PRKCA: variants seen among roughly 807,000 people sequenced by gnomAD.
PRKCA encodes the protein protein kinase C alpha type.
In PRKCA, 27 loss-of-function variants were observed where a neutral mutation model predicts 87.0. The observed-to-expected ratio is 0.31, with a 90% confidence interval of 0.23 to 0.43. The LOEUF is 0.43. PRKCA is among the 20% of genes least tolerant of loss of function. PRKCA has a pLI of 1.00. For synonymous variants in PRKCA, 329 were observed against 311.1 expected, an observed-to-expected ratio of 1.06 and a Z score of -0.61; for missense variants, 518 against 852.3, an observed-to-expected ratio of 0.61 and a Z score of 4.88.
chr17:66,593,148 G>T (rs988648580), intron 3 of PRKCA, among the ~76,000 whole-genome samples: 38 of 152,152 alleles, frequency 2.5e-4, no homozygotes, highest in African/African-American at 8.9e-4. Context: ...TGATCTTGAG[G>T]TTGCGTCAGG....
intron 5 of PRKCA, among the ~76,000 whole-genome samples, chr17:66,686,870 C>T (rs1017031203): frequency 6.6e-6 from 1 of 152,120 alleles, no homozygotes; most frequent in African/African-American, 2.4e-5. Flanking sequence ...TGCTGCCAGT[C>T]CAGGCTGGTG....
intron 14 of PRKCA, 95 bp from the exon 15 acceptor site, chr17:66,786,771 TG>T: frequency 1.1e-6 from 1 of 899,734 alleles, no homozygotes; most frequent in Non-Finnish European, 1.7e-6. Context: ...CTGAGAAACC[TG>T]GTCTGTTCCT....
chr17:66,369,928 C>T (rs1224486302), intron 2 of PRKCA, among the ~76,000 whole-genome samples: 1 of 152,236 alleles, frequency 6.6e-6, no homozygotes, highest in South Asian at 2.1e-4. Context: ...CTGTTTGGTA[C>T]TGCCAAGCAC....
intron 5 of PRKCA, among the ~76,000 whole-genome samples, chr17:66,646,755 C>T (rs1038830913): frequency 6.6e-6 from 1 of 152,160 alleles, no homozygotes; most frequent in Admixed American, 6.5e-5. Flanking sequence ...CTAACCAGGG[C>T]TGTCCCCTCA....
chr17:66,464,161 T>C (rs1299953788), intron 2 of PRKCA, among the ~76,000 whole-genome samples: 2 of 152,190 alleles, frequency 1.3e-5, no homozygotes, highest in African/African-American at 2.4e-5. Context: ...CTTCTTACAC[T>C]TAGCAATATG....
In PRKCA at chr17:66,766,469, T is replaced by C. The variant is rs115013486; in HGVS notation, c.1525-7518T>C. ...GTAGAATATAGGATAGGAAACAAAGTATAACCTCCTTTGTTCAGCCCTCAC... is the reference window on the plus strand; with the variant it reads ...GTAGAATATAGGATAGGAAACAAAGCATAACCTCCTTTGTTCAGCCCTCAC... On this transcript the variant is annotated intron_variant, in intron 13 of 16. Coordinates refer to ENST00000413366, the MANE Select transcript of PRKCA (RefSeq NM_002737.3). Among the ~76,000 whole-genome samples, 1,339 of 152,218 alleles carry C rather than the reference T, an allele frequency of 8.8e-3. 29 individuals carry two copies. The highest frequency in any genetic ancestry group is 0.031 in the African/African-American group (1,277 of 41,524).
In PRKCA at chr17:66,761,675, C is replaced by T. The variant is rs994388940; in HGVS notation, c.1525-12312C>T. 4.3e-4 allele frequency among the ~76,000 whole-genome samples: 66 copies of T among 152,048 alleles called. 1 individual carries two copies. The highest frequency in any genetic ancestry group is 1.5e-3 in the African/African-American group (61 of 41,542). On this transcript the variant is annotated intron_variant, in intron 13 of 16. Coordinates refer to ENST00000413366, the MANE Select transcript of PRKCA (RefSeq NM_002737.3). The stretch of plus-strand genomic sequence containing the variant: ...CTGACCTCAAGTAATCTGCCCACCT[C>T]GGCCTCCCAAAGTGCTGGGATTACA...
At chr17:66,538,806 A>G (rs1244909557) in intron 3 of PRKCA, among the ~76,000 whole-genome samples, 1 of 152,200 alleles carries the variant, frequency 6.6e-6, no homozygotes, top group Admixed American at 6.5e-5. Flanking sequence ...TTCTGCTCTT[A>G]GCCAGAAAGC....
rs913502827 is a variant in PRKCA at position 66,566,489 on chromosome 17, T to G, written c.288+70206T>G. Among the ~76,000 whole-genome samples the G allele has an allele frequency of 2.2e-3, 331 of 148,430 alleles. 4 individuals are homozygous for G. The highest frequency in any genetic ancestry group is 8.0e-3 in the African/African-American group (321 of 40,136). On this transcript the variant is annotated intron_variant, in intron 3 of 16. Transcript: ENST00000413366. ...CTGTTGTTGTTTTTTGGTTTTTTTT[T>G]TTTTTTTTTTTTTGCAACAGCTTTC... is the stretch of plus-strand genomic sequence containing the variant.
intron 3 of PRKCA, among the ~76,000 whole-genome samples, chr17:66,561,666 T>C (rs186585445): frequency 1.2e-3 from 176 of 152,236 alleles, no homozygotes; most frequent in Non-Finnish European, 2.1e-3. Flanking sequence ...CAAGTGCCTA[T>C]TGAACAGATG....
chr17:66,722,696 A>G (rs1358245265), intron 8 of PRKCA, among the ~76,000 whole-genome samples: 2 of 152,234 alleles, frequency 1.3e-5, no homozygotes, highest in Non-Finnish European at 2.9e-5. Context: ...CTGGTCTCAC[A>G]GCCTGGTCTT....
At chr17:66,776,722 A>G (rs557186213) in intron 14 of PRKCA, among the ~76,000 whole-genome samples, 1 of 152,148 alleles carries the variant, frequency 6.6e-6, no homozygotes, top group South Asian at 2.1e-4. Context: ...GATCTAGTGC[A>G]CTCTTTGACT....
At chr17:66,765,694 C>T (rs1326286877) in intron 13 of PRKCA, among the ~76,000 whole-genome samples, 1 of 151,686 alleles carries the variant, frequency 6.6e-6, no homozygotes, top group Admixed American at 6.6e-5. Flanking sequence ...TGGCCAGTGG[C>T]CACTGTATTG....
chr17:66,540,321 G>T (rs1189444911), intron 3 of PRKCA, among the ~76,000 whole-genome samples: 1 of 152,210 alleles, frequency 6.6e-6, no homozygotes, highest in Non-Finnish European at 1.5e-5. Flanking sequence ...AGAGTCTGGA[G>T]CCCTGACTGT....
Position 66,544,795 on chromosome 17 carries a change from G to A in PRKCA, c.288+48512G>A, listed in dbSNP as rs1330300821. ...TTTAGTAGAGATGGGATTTCACCAT[G>A]TTGGTCAGGCAGGTTTCAAACTCTT... On this transcript the variant is annotated intron_variant, in intron 3 of 16. Coordinates refer to ENST00000413366, the MANE Select transcript of PRKCA (RefSeq NM_002737.3). Among the ~76,000 whole-genome samples, 7 of 152,090 alleles carry A rather than the reference G, an allele frequency of 4.6e-5. No individual in the cohort carries two copies. In the East Asian group the frequency reaches 1.4e-3, roughly 30 times the overall value.
In PRKCA at chr17:66,579,207, A is replaced by G. The variant is rs759705606; in HGVS notation, c.289-62148A>G. On this transcript the variant is annotated intron_variant, in intron 3 of 16. Transcript: ENST00000413366. ...AGGGAAGACAGACATCAAGCTAGTC[A>G]TCACGACCATAATTACGTAATTACC... is the stretch of plus-strand genomic sequence containing the variant. Among the ~76,000 whole-genome samples, 18 of 152,326 alleles carry G rather than the reference A, an allele frequency of 1.2e-4. 1 individual carries two copies. The highest frequency in any genetic ancestry group is 2.2e-4 in the Non-Finnish European group (15 of 68,032).
chr17:66,590,088 C>T (rs57103561), intron 3 of PRKCA, among the ~76,000 whole-genome samples: 3,070 of 152,184 alleles, frequency 0.02, 116 homozygotes, highest in African/African-American at 0.069. Context: ...GGCACCGGTC[C>T]ATGGCCTGGG....
chr17:66,497,423 G>A (rs934631448), intron 3 of PRKCA, among the ~76,000 whole-genome samples: 3 of 151,644 alleles, frequency 2.0e-5, no homozygotes, highest in African/African-American at 4.9e-5. Context: ...TTGAACCCGC[G>A]AGGCAGAGGT....
intron 3 of PRKCA, among the ~76,000 whole-genome samples, chr17:66,618,973 C>A (rs1409676016): frequency 1.3e-5 from 2 of 152,088 alleles, no homozygotes; most frequent in Non-Finnish European, 2.9e-5. Context: ...GAGGGGGAAC[C>A]CATATAAGTA....
Sources: gnomAD v4.1 joint callset for allele counts (sites outside exome capture counted in the v4.1 genomes callset) on GRCh38, gnomAD v4.1.1 for gene constraint, MANE v1.5 for transcripts, NCBI Gene and HGNC (gene_info 2026-07-23, HGNC 2026-07-21) for gene names.